Variants in LRMDA observed in about 807,000 individuals in gnomAD.
LRMDA encodes the protein leucine rich melanocyte differentiation associated.
LRMDA carries 18 observed loss-of-function variants against 29.8 expected under a neutral mutation model. The observed-to-expected ratio is 0.60, with a 90% CI of 0.42 to 0.90. The LOEUF is 0.90. Among genes scored for constraint, LRMDA ranks in the 40% least tolerant of loss-of-function variants. The pLI, the probability that LRMDA is intolerant of heterozygous loss-of-function variation, is 0.00. For synonymous variants in LRMDA, 125 were observed against 109.4 expected, an observed-to-expected ratio of 1.14 and a Z score of -0.89; for missense variants, 273 against 273.9, an observed-to-expected ratio of 1.00 and a Z score of 0.02.
intron 2 of LRMDA, among the ~76,000 whole-genome samples, chr10:75,936,959 T>G (rs1340412514): frequency 6.6e-6 from 1 of 152,202 alleles, no homozygotes; most frequent in Non-Finnish European, 1.5e-5. Context: ...TTATTTTGGT[T>G]TATTCTCATC....
chr10:75,467,516 A>G (rs1844667619), intron 2 of LRMDA, among the ~76,000 whole-genome samples: 1 of 151,962 alleles, frequency 6.6e-6, no homozygotes, highest in African/African-American at 2.4e-5. Context: ...AATTTTTCCC[A>G]CGTTTTACCT....
chr10:75,932,014 G>A (rs1846213300), intron 2 of LRMDA, among the ~76,000 whole-genome samples: 1 of 152,296 alleles, frequency 6.6e-6, no homozygotes, highest in South Asian at 2.1e-4. Flanking sequence ...CATGAAGTCA[G>A]TTTTGCTGTT....
intron 6 of LRMDA, among the ~76,000 whole-genome samples, chr10:76,550,822 C>T (rs957461834): frequency 6.6e-6 from 1 of 152,100 alleles, no homozygotes; most frequent in Non-Finnish European, 1.5e-5. Context: ...CCCCTAAGAC[C>T]TTTTAAAGTC....
chr10:75,970,387 A>ACC, intron 2 of LRMDA, among the ~76,000 whole-genome samples: 1 of 152,160 alleles, frequency 6.6e-6, no homozygotes, highest in East Asian at 1.9e-4. Context: ...TGAGCCCTTT[A>ACC]CCTCCCCTTA....
intron 6 of LRMDA, among the ~76,000 whole-genome samples, chr10:76,474,760 A>C (rs1564551620): frequency 1.3e-5 from 2 of 151,620 alleles, no homozygotes; most frequent in African/African-American, 4.8e-5. Context: ...ACCCTCATAC[A>C]TTGCTGTTGA....
chr10:75,932,005 A>G (rs920659416), intron 2 of LRMDA, among the ~76,000 whole-genome samples: 4 of 152,258 alleles, frequency 2.6e-5, no homozygotes, highest in Admixed American at 2.0e-4. Context: ...CCAGAGGTTC[A>G]TGAAGTCAGT....
At chr10:76,432,353 A>G (rs1288536217) in intron 6 of LRMDA, among the ~76,000 whole-genome samples, 1 of 152,152 alleles carries the variant, frequency 6.6e-6, no homozygotes, top group South Asian at 2.1e-4. Flanking sequence ...GATCATTCTA[A>G]CACGGTGCAA....
intron 2 of LRMDA, among the ~76,000 whole-genome samples, chr10:75,522,780 A>G (rs1342493051): frequency 6.6e-6 from 1 of 152,212 alleles, no homozygotes; most frequent in Non-Finnish European, 1.5e-5. Context: ...AAGGGCAGGT[A>G]TGTGGAGAGG....
chr10:75,695,309 A>G (rs1198074585), intron 2 of LRMDA, among the ~76,000 whole-genome samples: 2 of 152,172 alleles, frequency 1.3e-5, no homozygotes, highest in African/African-American at 2.4e-5. Flanking sequence ...ACAGCAAATT[A>G]TCTATCAGTT....
chr10:75,619,932 A>G (rs111741219), intron 2 of LRMDA, among the ~76,000 whole-genome samples: 58 of 152,312 alleles, frequency 3.8e-4, no homozygotes, highest in African/African-American at 1.4e-3. Context: ...CAGTCATTTT[A>G]TGATGCTCAA....
chr10:75,951,425 G>A (rs1442553969), intron 2 of LRMDA, among the ~76,000 whole-genome samples: 1 of 152,140 alleles, frequency 6.6e-6, no homozygotes, highest in Non-Finnish European at 1.5e-5. Flanking sequence ...GTGGCAGGAG[G>A]AGAAACAGCC....
intron 5 of LRMDA, among the ~76,000 whole-genome samples, chr10:76,268,032 A>G (rs1840026670): frequency 6.6e-6 from 1 of 152,210 alleles, no homozygotes; most frequent in African/African-American, 2.4e-5. Flanking sequence ...TCAGCCACAT[A>G]TAGGCTGTCA....
intron 5 of LRMDA, among the ~76,000 whole-genome samples, chr10:76,123,308 C>T (rs1849822129): frequency 6.7e-6 from 1 of 150,264 alleles, no homozygotes; most frequent in Admixed American, 6.6e-5. Context: ...AGTTTGAGAC[C>T]ACCCTGGGTA....
intron 2 of LRMDA, among the ~76,000 whole-genome samples, chr10:75,985,490 G>A (rs111514420): frequency 4.8e-4 from 73 of 152,292 alleles, no homozygotes; most frequent in African/African-American, 1.6e-3. Flanking sequence ...CCCTAAGGGA[G>A]GCAACGTGGC....
At chr10:75,986,556 A>G (rs1026624378) in intron 2 of LRMDA, among the ~76,000 whole-genome samples, 3 of 152,244 alleles carry the variant, frequency 2.0e-5, no homozygotes, top group African/African-American at 7.2e-5. Flanking sequence ...TTATGTGATG[A>G]TGGTGTACTT....
chr10:75,482,240 T>G (rs889615441), intron 2 of LRMDA, among the ~76,000 whole-genome samples: 2 of 152,118 alleles, frequency 1.3e-5, no homozygotes, highest in Non-Finnish European at 2.9e-5. Context: ...GCATCTTCTG[T>G]TTGGCCTTCT....
chr10:75,455,797 A>C (rs1335016751), intron 2 of LRMDA, among the ~76,000 whole-genome samples: 1 of 152,232 alleles, frequency 6.6e-6, no homozygotes, highest in Non-Finnish European at 1.5e-5. Flanking sequence ...AAGAAACTTC[A>C]TGAAGAAACT....
chr10:76,190,728 G>A (rs887275499), intron 5 of LRMDA, among the ~76,000 whole-genome samples: 28 of 152,178 alleles, frequency 1.8e-4, no homozygotes, highest in Non-Finnish European at 3.7e-4. Context: ...TTCAGAGGGG[G>A]AAAGAGGGTA....
intron 2 of LRMDA, chr10:75,451,380 G>C (rs940074581): frequency 2.0e-5 from 3 of 152,134 alleles, no homozygotes; most frequent in Non-Finnish European, 4.4e-5. Context: ...ATCACCTCTC[G>C]ACAGTTTGCT....
Sources: gnomAD v4.1 joint callset for allele counts (sites outside exome capture counted in the v4.1 genomes callset) on GRCh38, gnomAD v4.1.1 for gene constraint, MANE v1.5 for transcripts, NCBI Gene and HGNC (gene_info 2026-07-23, HGNC 2026-07-21) for gene names.